The following CLIP4 variants were observed in gnomAD, a reference collection of about 807,000 sequenced individuals.
The protein encoded by CLIP4 is CAP-Gly domain-containing linker protein 4.
A neutral mutation model predicts 73.1 loss-of-function variants in CLIP4; 47 were observed. The ratio of observed to expected loss-of-function variants is 0.64; its 90% confidence interval spans 0.51 to 0.82. CLIP4 has a LOEUF of 0.82. Among genes scored for constraint, CLIP4 ranks in the 40% least tolerant of loss-of-function variants. The pLI, the probability that CLIP4 is intolerant of heterozygous loss-of-function variation, is 0.00. For synonymous variants in CLIP4, 306 were observed against 295.4 expected, an observed-to-expected ratio of 1.04 and a Z score of -0.37; for missense variants, 874 against 852.9, an observed-to-expected ratio of 1.02 and a Z score of -0.31.
intron 9 of CLIP4, among the ~76,000 whole-genome samples, chr2:29,153,446 A>C (rs112331222): frequency 4.6e-3 from 704 of 152,058 alleles, no homozygotes; most frequent in African/African-American, 0.016. Flanking sequence ...CTTCTTATTC[A>C]TATCCTGTCT....
intron 1 of CLIP4, among the ~76,000 whole-genome samples, chr2:29,098,334 T>C (rs1210619702): frequency 1.3e-5 from 2 of 152,232 alleles, no homozygotes; most frequent in African/African-American, 2.4e-5. Context: ...TAATGTCGTA[T>C]GTCCACCCTT....
At chr2:29,120,126 A>T (rs1386024898) in intron 1 of CLIP4, among the ~76,000 whole-genome samples, 1 of 152,320 alleles carries the variant, frequency 6.6e-6, no homozygotes, top group Middle Eastern at 3.4e-3. Flanking sequence ...GGCAAGGTTA[A>T]TGTCAAAATG....
intron 1 of CLIP4, among the ~76,000 whole-genome samples, chr2:29,106,470 T>C (rs1668209445): frequency 6.6e-6 from 1 of 152,208 alleles, no homozygotes; most frequent in African/African-American, 2.4e-5. Context: ...TGATCACAGC[T>C]ATTCATTGAG....
intron 8 of CLIP4, among the ~76,000 whole-genome samples, chr2:29,149,456 C>G (rs558536721): frequency 1.4e-5 from 2 of 144,654 alleles, no homozygotes; most frequent in Admixed American, 1.4e-4. Flanking sequence ...TATTCCTTAC[C>G]GATATTTTAG....
intron 5 of CLIP4, among the ~76,000 whole-genome samples, chr2:29,134,255 T>TC (rs568308389): frequency 2.5e-4 from 38 of 152,288 alleles, no homozygotes; most frequent in African/African-American, 9.1e-4. Flanking sequence ...CAGTTTTTTT[T>TC]CCCTGTTTTG....
intron 12 of CLIP4, among the ~76,000 whole-genome samples, chr2:29,162,095 T>A (rs1265928408): frequency 6.6e-6 from 1 of 152,236 alleles, no homozygotes; most frequent in Non-Finnish European, 1.5e-5. Flanking sequence ...GTTATTTTTT[T>A]ACAATTACTA....
chr2:29,148,962 A>C (rs1236764672), intron 8 of CLIP4, among the ~76,000 whole-genome samples: 3 of 152,120 alleles, frequency 2.0e-5, no homozygotes, highest in Admixed American at 2.0e-4. Context: ...GGATGAGGAA[A>C]GTTAGATTGG....
intron 14 of CLIP4, among the ~76,000 whole-genome samples, chr2:29,173,280 A>G (rs1293919752): frequency 6.6e-6 from 1 of 152,164 alleles, no homozygotes; most frequent in African/African-American, 2.4e-5. Context: ...CTGAGGGGAG[A>G]AAATTTTGTC....
intron 3 of CLIP4, chr2:29,131,820 T>C (rs1664991666): frequency 3.4e-6 from 1 of 296,498 alleles, no homozygotes; most frequent in Non-Finnish European, 6.2e-6. Flanking sequence ...GTTGCTGTGT[T>C]GTAGGAAGAG....
At chr2:29,100,965 A>G (rs534757215) in intron 1 of CLIP4, among the ~76,000 whole-genome samples, 10 of 152,230 alleles carry the variant, frequency 6.6e-5, no homozygotes, top group South Asian at 4.1e-4. Flanking sequence ...GCTAAGGAGC[A>G]AGGAAGCCAG....
upstream of CLIP4, among the ~76,000 whole-genome samples, chr2:29,111,303 T>C (rs114431036): frequency 0.023 from 3,561 of 152,356 alleles, 116 homozygotes; most frequent in East Asian, 0.091. Flanking sequence ...AAACAGTTCA[T>C]GAGAGCTGAT....
At chr2:29,150,518 A>G (rs915760947) in intron 8 of CLIP4, among the ~76,000 whole-genome samples, 2 of 152,102 alleles carry the variant, frequency 1.3e-5, no homozygotes, top group African/African-American at 4.8e-5. Flanking sequence ...AAAAGACTCC[A>G]TAGCTTGACT....
chr2:29,144,633 C>T, intron 7 of CLIP4, among the ~76,000 whole-genome samples: 1 of 151,802 alleles, frequency 6.6e-6, no homozygotes. Context: ...ATTTGCTGCA[C>T]CCATCAACCC....
chr2:29,181,990 GA>G lies in CLIP4; in HGVS notation c.*101del, dbSNP rs1668671953. ...CTTTATTTAGCCATATTAAAATTTT[GA>G]AAATATAGTTATCTTCTTAAAAACC... On this transcript the variant is annotated 3_prime_UTR_variant, in exon 16 of 16. Transcript: ENST00000320081. 3.9e-6 allele frequency: 4 copies of G among 1,038,888 alleles called. No homozygotes were observed. Among genetic ancestry groups the G allele is most frequent in the Non-Finnish European group, 5.4e-6 (4 of 734,746 alleles). The allele number at this position is 1,038,888 out of a possible 1,614,324, so 64.4% of individuals were successfully genotyped here. A position where few individuals can be genotyped will look rare whatever the true frequency, so the allele number is the denominator to read the frequency against.
intron 8 of CLIP4, among the ~76,000 whole-genome samples, chr2:29,147,033 A>G (rs1268588828): frequency 2.6e-5 from 4 of 152,192 alleles, no homozygotes; most frequent in Non-Finnish European, 4.4e-5. Flanking sequence ...ATAAGATTTG[A>G]AAACAAGAGG....
intron 6 of CLIP4, among the ~76,000 whole-genome samples, chr2:29,138,709 A>G (rs1034117131): frequency 6.6e-6 from 1 of 152,002 alleles, no homozygotes; most frequent in African/African-American, 2.4e-5. Context: ...GAGATCTTCC[A>G]TCTCCTTGGT....
intron 1 of CLIP4, among the ~76,000 whole-genome samples, chr2:29,098,798 C>T (rs755147488): frequency 6.6e-5 from 10 of 152,196 alleles, no homozygotes; most frequent in Non-Finnish European, 1.0e-4. Context: ...TGATGTTCCA[C>T]AGAGGACTTA....
chr2:29,103,825 T>C (rs991147003), intron 1 of CLIP4, among the ~76,000 whole-genome samples: 3 of 151,916 alleles, frequency 2.0e-5, no homozygotes, highest in Non-Finnish European at 2.9e-5. Flanking sequence ...GCTATTCTCC[T>C]GCGTCAGACT....
rs2148063914 is a variant in CLIP4, at chr2:29,163,822, A to G, written c.1535-9A>G. 3 of 1,608,162 alleles carry G rather than the reference A, an allele frequency of 1.9e-6. No individual in the cohort carries two copies. Among genetic ancestry groups the G allele is most frequent in the Middle Eastern group, 1.7e-4 (1 of 6,024 alleles). On this transcript the variant is annotated splice_polypyrimidine_tract_variant and intron_variant, in intron 12 of 15. Transcript: ENST00000320081. ...CAGATGCTTTTGAAATGCAATATTCATGTTCTAGGATATTGGTATGGTATA... is the reference window on the plus strand; with the variant it reads ...CAGATGCTTTTGAAATGCAATATTCGTGTTCTAGGATATTGGTATGGTATA...
Sources: gnomAD v4.1 joint callset for allele counts (sites outside exome capture counted in the v4.1 genomes callset) on GRCh38, gnomAD v4.1.1 for gene constraint, MANE v1.5 for transcripts, NCBI Gene and HGNC (gene_info 2026-07-23, HGNC 2026-07-21) for gene names.